SRGAP1: variants seen among roughly 807,000 people sequenced by gnomAD.
SRGAP1 encodes the protein SLIT-ROBO Rho GTPase-activating protein 1.
Under a neutral mutation model 121.9 loss-of-function variants are expected in SRGAP1, and 43 were observed. The observed-to-expected ratio is 0.35, with a 90% CI of 0.28 to 0.46. SRGAP1 has a LOEUF of 0.46. Ranked by LOEUF, SRGAP1 falls within the 20% of genes least tolerant of loss-of-function variation. The probability of loss-of-function intolerance (pLI) is 1.00; values close to 1 mark genes in which losing one functional copy is unlikely to be tolerated. For missense variants in SRGAP1, 1,102 were observed against 1,350.9 expected, an observed-to-expected ratio of 0.82 and a Z score of 2.89; for synonymous variants, 447 against 485.4, an observed-to-expected ratio of 0.92 and a Z score of 1.04.
At chr12:64,025,262 T>A (rs562813470) in intron 4 of SRGAP1, among the ~76,000 whole-genome samples, 1 of 152,074 alleles carries the variant, frequency 6.6e-6, no homozygotes, top group Non-Finnish European at 1.5e-5. Context: ...GGAAACTTTG[T>A]TGGCTGGTTT....
At chr12:63,975,005 A>G (rs1406983075) in intron 1 of SRGAP1, among the ~76,000 whole-genome samples, 1 of 152,180 alleles carries the variant, frequency 6.6e-6, no homozygotes, top group Non-Finnish European at 1.5e-5. Flanking sequence ...CCCTTAAACT[A>G]AGTAGTCTGC....
In SRGAP1 at chr12:64,110,662, G is replaced by A. The variant is rs188423679; in HGVS notation, c.1920-1100G>A. Among the ~76,000 whole-genome samples the A allele has an allele frequency of 6.6e-5, 10 of 152,170 alleles. No individual in the cohort carries two copies. The East Asian group carries it at 1.9e-3, about 29-fold the overall frequency. Reference sequence around the variant, plus strand: ...CTGAAGTATGTCTTTTGGAAATTAGGCCATTCTTATTCAGAATCTCCATTT... The same window carrying A: ...CTGAAGTATGTCTTTTGGAAATTAGACCATTCTTATTCAGAATCTCCATTT... On this transcript the variant is annotated intron_variant, in intron 16 of 21. Coordinates refer to ENST00000355086, the MANE Select transcript of SRGAP1 (RefSeq NM_020762.4).
intron 1 of SRGAP1, among the ~76,000 whole-genome samples, chr12:63,899,866 C>T (rs60972413): frequency 0.073 from 11,127 of 152,216 alleles, 585 homozygotes; most frequent in East Asian, 0.24. Flanking sequence ...TGAAGTGACT[C>T]CTTATATAAT....
At chr12:63,900,903 G>A (rs545026692) in intron 1 of SRGAP1, among the ~76,000 whole-genome samples, 2 of 151,954 alleles carry the variant, frequency 1.3e-5, no homozygotes, top group African/African-American at 2.4e-5. Context: ...AAAGGTTTAT[G>A]TATAACAGGA....
At chr12:64,129,974 TG>T (rs1380393284) in intron 21 of SRGAP1, among the ~76,000 whole-genome samples, 4 of 150,312 alleles carry the variant, frequency 2.7e-5, no homozygotes, top group African/African-American at 1.0e-4. Flanking sequence ...CAGCAGGTCG[TG>T]GTTGTTGTTG....
At chr12:64,047,075 T>G (rs2035145226) in intron 6 of SRGAP1, among the ~76,000 whole-genome samples, 1 of 152,216 alleles carries the variant, frequency 6.6e-6, no homozygotes, top group Non-Finnish European at 1.5e-5. Context: ...CCCAAGTGAT[T>G]TTCCATTTTT....
At chr12:64,080,995 A>G (rs2035828172) in intron 10 of SRGAP1, 1 of 154,226 alleles carries the variant, frequency 6.5e-6, no homozygotes, top group Non-Finnish European at 1.4e-5. Flanking sequence ...ACTGTGCACT[A>G]ATAATTTCTC....
chr12:64,043,785 A>G (rs1180768093), intron 6 of SRGAP1, among the ~76,000 whole-genome samples: 2 of 152,240 alleles, frequency 1.3e-5, no homozygotes, highest in Non-Finnish European at 2.9e-5. Context: ...AAAACCAATG[A>G]AAAATAACTG....
At chr12:63,893,061 T>C (rs1900640256) in intron 1 of SRGAP1, among the ~76,000 whole-genome samples, 1 of 152,212 alleles carries the variant, frequency 6.6e-6, no homozygotes, top group Admixed American at 6.5e-5. Context: ...TGGAATTCTG[T>C]GCGACATATC....
intron 21 of SRGAP1, among the ~76,000 whole-genome samples, chr12:64,129,799 G>A (rs1342641809): frequency 2.0e-5 from 3 of 152,154 alleles, no homozygotes; most frequent in Non-Finnish European, 4.4e-5. Flanking sequence ...GAAATAAAAT[G>A]AAGATATTTT....
chr12:63,990,546 A>G (rs1028203723), intron 3 of SRGAP1, among the ~76,000 whole-genome samples: 12 of 152,212 alleles, frequency 7.9e-5, no homozygotes, highest in African/African-American at 2.9e-4. Flanking sequence ...AAACAAAAAA[A>G]AGAGTTAAAA....
At chr12:64,126,249 C>A in intron 19 of SRGAP1, 92 bp downstream of exon 19, 1 of 1,409,900 alleles carries the variant, frequency 7.1e-7, no homozygotes, top group African/African-American at 1.4e-5. Context: ...GAGAAAGGAG[C>A]AGAAGGGATT....
Position 64,128,101 on chromosome 12 carries a change from C to G in SRGAP1, c.2781C>G (p.Leu927=), listed in dbSNP as rs777749071. Residue 927 remains leucine (L), a synonymous_variant, in exon 21 of 22, where the codon CTC becomes CTG. Transcript: ENST00000355086. Reference sequence around the variant, plus strand: ...CCAACATCAGCCGGCACGACTCCCTCAAGAAGATCGACAGCCCTCCCATTA... The same window carrying G: ...CCAACATCAGCCGGCACGACTCCCTGAAGAAGATCGACAGCCCTCCCATTA... The part of the protein sequence containing the change: ...SLTNISRHDS[L]KKIDSPPIRR... The G allele has an allele frequency of 4.3e-6, 7 of 1,614,146 alleles. No homozygotes were observed. In the South Asian group the frequency reaches 6.6e-5, roughly 15 times the overall value.
At chr12:63,976,303 G>A (rs546193393) in intron 1 of SRGAP1, among the ~76,000 whole-genome samples, 1 of 152,020 alleles carries the variant, frequency 6.6e-6, no homozygotes, top group South Asian at 2.1e-4. Context: ...ATTCAATTTC[G>A]GCAATTGAGA....
chr12:63,980,265 G>T (rs768099290), intron 1 of SRGAP1, among the ~76,000 whole-genome samples: 7 of 152,118 alleles, frequency 4.6e-5, no homozygotes, highest in African/African-American at 7.2e-5. Context: ...TCTTGCCCAG[G>T]CTGATTTCAA....
intron 3 of SRGAP1, among the ~76,000 whole-genome samples, chr12:64,002,758 G>A (rs957774859): frequency 5.3e-5 from 8 of 151,984 alleles, no homozygotes; most frequent in African/African-American, 1.9e-4. Context: ...ATAGGATACT[G>A]GTCAGAATTT....
At chr12:63,997,259 A>G (rs2033739650) in intron 3 of SRGAP1, among the ~76,000 whole-genome samples, 3 of 152,176 alleles carry the variant, frequency 2.0e-5, no homozygotes. Flanking sequence ...GAGTACAATA[A>G]CATGCTATAC....
intron 11 of SRGAP1, among the ~76,000 whole-genome samples, chr12:64,087,697 C>T (rs529671244): frequency 6.6e-6 from 1 of 151,982 alleles, no homozygotes; most frequent in Admixed American, 6.6e-5. Flanking sequence ...GATTGCGCCA[C>T]CACACTCCAG....
chr12:64,085,476 C>G (rs909571035), intron 10 of SRGAP1, among the ~76,000 whole-genome samples: 1 of 152,204 alleles, frequency 6.6e-6, no homozygotes, highest in East Asian at 1.9e-4. Context: ...GGTGATCTTA[C>G]GTGGCTCGTA....
Sources: allele counts gnomAD v4.1 joint callset (sites outside exome capture counted in the v4.1 genomes callset), GRCh38; gene constraint gnomAD v4.1.1; transcripts MANE v1.5; gene names NCBI Gene and HGNC (gene_info 2026-07-23, HGNC 2026-07-21).